ABLIM2: variants seen among roughly 807,000 people sequenced by gnomAD.
ABLIM2 encodes the protein actin binding LIM protein family member 2.
ABLIM2 carries 53 observed loss-of-function variants against 97.7 expected under a neutral mutation model. The ratio of observed to expected loss-of-function variants is 0.54; its 90% CI spans 0.44 to 0.68. The LOEUF (loss-of-function observed/expected upper bound fraction) is 0.68. Ranked by LOEUF, ABLIM2 falls within the 30% of genes least tolerant of loss-of-function variation. The probability of loss-of-function intolerance (pLI) is 0.00; values close to 1 mark genes in which losing one functional copy is unlikely to be tolerated. For synonymous variants in ABLIM2, 361 were observed against 345.8 expected (o/e 1.04, Z -0.49); for missense variants, 835 against 867.2 (o/e 0.96, Z 0.47).
chr4:7,989,302 C>T (rs1253023042), intron 17 of ABLIM2: 1 of 592,144 alleles, frequency 1.7e-6, no homozygotes, highest in African/African-American at 2.0e-5. Context: ...TGGTCTCAAA[C>T]TCCTGGCCTC....
At position 8,072,710 on chromosome 4, in the gene ABLIM2, T is replaced by G. The variant is rs1263764946; in HGVS notation, c.675+4918A>C. On this transcript the variant is annotated intron_variant, in intron 6 of 20. Transcript: ENST00000447017. The surrounding 1 kb of genome is among the most constrained non-coding windows in gnomAD (Gnocchi z 5.8). ...GGCCGGGCACGTGGGTGGATCCAGC[T>G]GGACGCCCAGGTGAGTGGTGGGAGG... is the stretch of plus-strand genomic sequence containing the variant. Among the ~76,000 whole-genome samples, 1 of 152,188 alleles carries G rather than the reference T, an allele frequency of 6.6e-6. No individual in the cohort carries two copies. Among genetic ancestry groups the G allele is most frequent in the Non-Finnish European group, 1.5e-5 (1 of 68,020 alleles).
At chr4:8,117,686 C>T (rs991938772) in intron 1 of ABLIM2, among the ~76,000 whole-genome samples, 4 of 151,702 alleles carry the variant, frequency 2.6e-5, no homozygotes, top group Admixed American at 1.3e-4. Flanking sequence ...ACCCTGTGAT[C>T]ATCATTCTCC....
chr4:8,116,590 G>A (rs959433800), intron 1 of ABLIM2, among the ~76,000 whole-genome samples: 2 of 152,228 alleles, frequency 1.3e-5, no homozygotes, highest in Admixed American at 1.3e-4. Context: ...GGGGACTATG[G>A]TTTCCAGTTG....
intron 1 of ABLIM2, among the ~76,000 whole-genome samples, chr4:8,131,670 T>TC (rs1410483586): frequency 8.1e-6 from 1 of 122,940 alleles, no homozygotes. Flanking sequence ...GCATCCCGCA[T>TC]CCCTGAGCAC....
In ABLIM2 at chr4:8,076,759, G is replaced by A. The variant is rs568484001; in HGVS notation, c.675+869C>T. ...GTTGGGGGGGGTCTGTGAATCCAGA[G>A]GGTGGGCTGCAGGGTGGGGGGGTCT... is the stretch of plus-strand genomic sequence containing the variant. On this transcript the variant is annotated intron_variant, in intron 6 of 20. Coordinates refer to ENST00000447017, the MANE Select transcript of ABLIM2 (RefSeq NM_001130083.2). Among the ~76,000 whole-genome samples, 34 of 145,736 alleles carry A rather than the reference G, an allele frequency of 2.3e-4. 1 individual carries two copies. The East Asian group carries it at 7.1e-3, about 30-fold the overall frequency.
At chr4:8,077,126 G>A (rs750180516) in intron 6 of ABLIM2, among the ~76,000 whole-genome samples, 1 of 152,054 alleles carries the variant, frequency 6.6e-6, no homozygotes, top group Non-Finnish European at 1.5e-5. Context: ...TGAACAAAAC[G>A]CAGAAAAGGG....
chr4:8,036,808 T>C (rs1784758980), intron 9 of ABLIM2, among the ~76,000 whole-genome samples: 1 of 152,184 alleles, frequency 6.6e-6, no homozygotes, highest in Non-Finnish European at 1.5e-5. Flanking sequence ...CATGTGTACA[T>C]GCACGCACAC....
At chr4:8,117,666 C>T (rs567340242) in intron 1 of ABLIM2, among the ~76,000 whole-genome samples, 1 of 152,310 alleles carries the variant, frequency 6.6e-6, no homozygotes, top group East Asian at 1.9e-4. Context: ...AAGACTGCTT[C>T]TTCTCCCATA....
At chr4:8,078,596 G>C (rs1817807777) in intron 5 of ABLIM2, among the ~76,000 whole-genome samples, 1 of 152,246 alleles carries the variant, frequency 6.6e-6, no homozygotes, top group Admixed American at 6.5e-5. Flanking sequence ...CAGCAGGTCA[G>C]CAGTGGCCAC....
intron 9 of ABLIM2, among the ~76,000 whole-genome samples, chr4:8,037,256 A>C (rs900110779): frequency 6.6e-6 from 1 of 152,110 alleles, no homozygotes. Context: ...GTGATGATAC[A>C]TACCTACACA....
intron 1 of ABLIM2, among the ~76,000 whole-genome samples, chr4:8,106,890 C>T (rs1837721053): frequency 6.6e-6 from 1 of 152,226 alleles, no homozygotes. Flanking sequence ...CTCCTGTCTA[C>T]AGTAGCCCCA....
chr4:8,096,925 C>A (rs1221620144), intron 3 of ABLIM2, among the ~76,000 whole-genome samples, 174 bp downstream of exon 3: 1 of 152,212 alleles, frequency 6.6e-6, no homozygotes, highest in Non-Finnish European at 1.5e-5. Flanking sequence ...TGTGAGGAGG[C>A]CTCTGTATGC....
chr4:8,110,815 C>A (rs973231136), intron 1 of ABLIM2, among the ~76,000 whole-genome samples: 2 of 152,210 alleles, frequency 1.3e-5, no homozygotes, highest in Non-Finnish European at 2.9e-5. Context: ...ATAGACATTG[C>A]GCCGTGGGGA....
At chr4:8,059,939 C>T (rs1297571799) in intron 7 of ABLIM2, among the ~76,000 whole-genome samples, 1 of 150,780 alleles carries the variant, frequency 6.6e-6, no homozygotes, top group African/African-American at 2.4e-5. Context: ...CCCAAAAAAC[C>T]CCAAAGCTGC....
In ABLIM2 at chr4:8,120,930, C is replaced by A. The variant is rs181196055; in HGVS notation, c.11-14293G>T. Among the ~76,000 whole-genome samples, 60 of 152,354 alleles carry A rather than the reference C, an allele frequency of 3.9e-4. No homozygotes were observed. Among genetic ancestry groups the A allele is most frequent in the African/African-American group, 1.4e-3 (59 of 41,584 alleles). On this transcript the variant is annotated intron_variant, in intron 1 of 20. Coordinates refer to ENST00000447017, the MANE Select transcript of ABLIM2 (RefSeq NM_001130083.2). The surrounding 1 kb of genome is among the most constrained non-coding windows in gnomAD (Gnocchi z 5.6). ...AGAGTACTGTACCGCAGATTGCTAG[C>A]TCAGAGAAAGATCGAAATTCAAAAT...
intron 1 of ABLIM2, among the ~76,000 whole-genome samples, chr4:8,136,214 C>A (rs1037465070): frequency 6.6e-6 from 1 of 152,164 alleles, no homozygotes; most frequent in African/African-American, 2.4e-5. Context: ...TCACAGGATG[C>A]CACTTATATG....
At chr4:8,073,682 G>T (rs1329223859) in intron 6 of ABLIM2, among the ~76,000 whole-genome samples, 1 of 152,210 alleles carries the variant, frequency 6.6e-6, no homozygotes, top group Non-Finnish European at 1.5e-5. Context: ...AGGACAGACA[G>T]AACATCTGCA....
Position 8,158,752 on chromosome 4 carries a change from G to A in ABLIM2, c.-63C>T. ...CGACAGCCAGACCCTCGGGCCCGCA[G>A]GTGCCGCGCCCGCGCTATCCTCCGC... On this transcript the variant is annotated 5_prime_UTR_variant, in exon 1 of 21. Transcript: ENST00000447017. 1.5e-6 allele frequency: 2 copies of A among 1,331,596 alleles called. No individual in the cohort carries two copies. Among genetic ancestry groups the A allele is most frequent in the South Asian group, 1.9e-5 (1 of 51,502 alleles). 82.5% of individuals were successfully genotyped at this position (1,331,596 alleles called of 1,614,324 possible).
In ABLIM2 at chr4:8,068,411, G is replaced by A. The variant is rs1809482746; in HGVS notation, c.676-7357C>T. Among the ~76,000 whole-genome samples the A allele has an allele frequency of 6.6e-6, 1 of 152,140 alleles. No homozygotes were observed. Among genetic ancestry groups the A allele is most frequent in the Non-Finnish European group, 1.5e-5 (1 of 68,024 alleles). On this transcript the variant is annotated intron_variant, in intron 6 of 20. Coordinates refer to ENST00000447017, the MANE Select transcript of ABLIM2 (RefSeq NM_001130083.2). This position sits in a 1 kb window ranked among gnomAD's most constrained non-coding sequence, Gnocchi z 4.5. ...GGTCCTCAGCCAGTGCTGGGTCAGA[G>A]GGCAGCGGTTTAAGGGACGTCCCCA...
Sources: allele counts gnomAD v4.1 joint callset (sites outside exome capture counted in the v4.1 genomes callset), GRCh38; gene constraint gnomAD v4.1.1; non-coding constraint Gnocchi (gnomAD v3.1); transcripts MANE v1.5; gene names NCBI Gene and HGNC (gene_info 2026-07-23, HGNC 2026-07-21).